RANBP3: variants seen among roughly 807,000 people sequenced by gnomAD.
RANBP3 encodes the protein ran-binding protein 3.
Under a neutral mutation model 77.3 loss-of-function variants are expected in RANBP3, and 14 were observed. The ratio of observed to expected loss-of-function variants is 0.18; its 90% confidence interval spans 0.12 to 0.28. The LOEUF (loss-of-function observed/expected upper bound fraction) is 0.28. RANBP3 is among the 10% of genes least tolerant of loss of function. The pLI is 1.00. For synonymous variants in RANBP3, 315 were observed against 312.4 expected, an observed-to-expected ratio of 1.01 and a Z score of -0.09; for missense variants, 586 against 752.3, an observed-to-expected ratio of 0.78 and a Z score of 2.59.
intron 8 of RANBP3, among the ~76,000 whole-genome samples, chr19:5,930,505 T>C (rs2057974519): frequency 6.6e-6 from 1 of 152,234 alleles, no homozygotes; most frequent in Non-Finnish European, 1.5e-5. Context: ...GGCCCTTATT[T>C]CACAGTGGCT....
intron 1 of RANBP3, among the ~76,000 whole-genome samples, chr19:5,964,863 G>GT (rs59191913): frequency 5.4e-5 from 5 of 92,372 alleles, no homozygotes; most frequent in African/African-American, 1.9e-4. Context: ...GGGGGGGGGG[G>GT]TGGCACGGTG....
At chr19:5,942,889 A>T (rs2058157218) in intron 3 of RANBP3, among the ~76,000 whole-genome samples, 1 of 151,920 alleles carries the variant, frequency 6.6e-6, no homozygotes, top group Non-Finnish European at 1.5e-5. Context: ...TCAGCTGGGC[A>T]GGGGGGTGAA....
intron 2 of RANBP3, among the ~76,000 whole-genome samples, chr19:5,951,818 CTT>C (rs1489359131): frequency 1.3e-5 from 2 of 152,170 alleles, no homozygotes; most frequent in Non-Finnish European, 2.9e-5. Flanking sequence ...TGCCATGTGA[CTT>C]TGCAGGGAGC....
chr19:5,939,572 G>A (rs2058107731), intron 5 of RANBP3, among the ~76,000 whole-genome samples: 1 of 152,156 alleles, frequency 6.6e-6, no homozygotes, highest in Non-Finnish European at 1.5e-5. Flanking sequence ...TAAAAACATT[G>A]TTTTTTGAAA....
intron 14 of RANBP3, among the ~76,000 whole-genome samples, chr19:5,920,616 C>G (rs377582669): frequency 6.6e-6 from 1 of 152,114 alleles, no homozygotes. Flanking sequence ...GGCTCAATCT[C>G]GGCTCACTGC....
At chr19:5,931,867 T>C (rs2057996924) in intron 7 of RANBP3, among the ~76,000 whole-genome samples, 1 of 151,852 alleles carries the variant, frequency 6.6e-6, no homozygotes. Flanking sequence ...TCCTCGTTTC[T>C]AAAATAAGAT....
chr19:5,964,773 A>G (rs2058443782), intron 1 of RANBP3, among the ~76,000 whole-genome samples: 1 of 146,976 alleles, frequency 6.8e-6, no homozygotes, highest in Non-Finnish European at 1.5e-5. Flanking sequence ...GTACTGTGCT[A>G]ATGCTTGGGA....
chr19:5,930,305 A>T (rs1010437980), intron 8 of RANBP3, among the ~76,000 whole-genome samples: 2 of 152,248 alleles, frequency 1.3e-5, no homozygotes, highest in Admixed American at 1.3e-4. Flanking sequence ...AATTGTGGAC[A>T]GCCATTTTCA....
chr19:5,944,482 AC>A (rs972120988), intron 3 of RANBP3, among the ~76,000 whole-genome samples: 6 of 152,072 alleles, frequency 3.9e-5, no homozygotes, highest in Non-Finnish European at 5.9e-5. Context: ...GGCAGCCAAA[AC>A]CTTTGCTCAT....
intron 1 of RANBP3, among the ~76,000 whole-genome samples, chr19:5,967,074 GT>G (rs373050710): frequency 1.5e-4 from 23 of 152,334 alleles, no homozygotes; most frequent in African/African-American, 5.1e-4. Flanking sequence ...TGTCAGGTCT[GT>G]CCTCCAACTG....
chr19:5,951,649 C>G, intron 2 of RANBP3, 53 bp from the exon 3 acceptor site: 2 of 1,527,544 alleles, frequency 1.3e-6, no homozygotes, highest in Non-Finnish European at 8.9e-7. Context: ...CTGCATCACA[C>G]AGCAGGAAGG....
rs1555765283 is a variant in RANBP3, at chr19:5,964,855, G to GGGC, written c.23-6883_23-6882insGCC. 2.3e-5 allele frequency among the ~76,000 whole-genome samples: 3 copies of GGGC among 129,014 alleles called. No homozygotes were observed. In the East Asian group the frequency reaches 8.7e-4, roughly 38 times the overall value. 84.6% of individuals were successfully genotyped at this position (129,014 alleles called of 152,430 possible). A position where few individuals can be genotyped will look rare whatever the true frequency, so the allele number is the denominator to read the frequency against. ...GAGCTAAGTGGAGGTGGTAGGGTGG[G>GGGC]GGGGGGGGTGGCACGGTGGGGGGTC... On this transcript the variant is annotated intron_variant, in intron 1 of 16. Transcript: ENST00000340578.
chr19:5,964,234 G>A (rs563589210), intron 1 of RANBP3, among the ~76,000 whole-genome samples: 104 of 152,278 alleles, frequency 6.8e-4, no homozygotes, highest in South Asian at 1.7e-3. Context: ...GCCAGCCCCA[G>A]CACAGGAAGC....
Position 5,967,601 on chromosome 19 carries a change from G to A in RANBP3, c.23-9628C>T, listed in dbSNP as rs148139896. 7.2e-4 allele frequency among the ~76,000 whole-genome samples: 109 copies of A among 152,182 alleles called. 1 individual carries two copies. In the East Asian group the frequency reaches 0.018, roughly 26 times the overall value. ...GCCTTCTTTATTTCTACCTTTATCA[G>A]CCCTGCAGCCAAACCCTTCTAAGCT... On this transcript the variant is annotated intron_variant, in intron 1 of 16. Coordinates refer to ENST00000340578, the MANE Select transcript of RANBP3 (RefSeq NM_007322.3).
intron 10 of RANBP3, chr19:5,925,398 A>G: frequency 3.4e-6 from 2 of 581,018 alleles, no homozygotes; most frequent in South Asian, 4.0e-5. Flanking sequence ...GGGCCCCTGG[A>G]CAACCCCACA....
At chr19:5,957,895 G>C (rs1015098190) in intron 2 of RANBP3, 23 bp downstream of exon 2, 1 of 1,612,964 alleles carries the variant, frequency 6.2e-7, no homozygotes, top group African/African-American at 1.3e-5. Flanking sequence ...ACGAAGTGAA[G>C]AGAGAACGTA....
At chr19:5,938,189 AC>A (rs1353739246) in intron 5 of RANBP3, among the ~76,000 whole-genome samples, 1 of 151,952 alleles carries the variant, frequency 6.6e-6, no homozygotes, top group Non-Finnish European at 1.5e-5. Flanking sequence ...AACTTATCTC[AC>A]AATGCTTTTG....
intron 14 of RANBP3, 28 bp from the exon 15 acceptor site, chr19:5,918,666 G>A (rs200710525): frequency 6.2e-7 from 1 of 1,607,468 alleles, no homozygotes; most frequent in Non-Finnish European, 8.5e-7. Flanking sequence ...ACTCAGCCCT[G>A]GCCCCCACAC....
intron 7 of RANBP3, among the ~76,000 whole-genome samples, chr19:5,932,036 AAAATAAATAAAT>A (rs375270559): frequency 0.015 from 2,259 of 152,056 alleles, 56 homozygotes; most frequent in African/African-American, 0.05. Context: ...CCCCATCTCC[AAAATAAATAAAT>A]AAATAAATAA....
Sources: gnomAD v4.1 joint callset for allele counts (sites outside exome capture counted in the v4.1 genomes callset) on GRCh38, gnomAD v4.1.1 for gene constraint, MANE v1.5 for transcripts, NCBI Gene and HGNC (gene_info 2026-07-23, HGNC 2026-07-21) for gene names.